MAN1A1: variants seen among roughly 807,000 people sequenced by gnomAD.
MAN1A1 encodes the protein mannosidase alpha class 1A member 1, also known as mannosyl-oligosaccharide 1,2-alpha-mannosidase IA.
MAN1A1 carries 29 observed loss-of-function variants against 70.8 expected under a neutral mutation model. The observed-to-expected ratio is 0.41, with a 90% CI of 0.31 to 0.56. MAN1A1 has a LOEUF of 0.56. Among genes scored for constraint, MAN1A1 ranks in the 20% least tolerant of loss-of-function variants. MAN1A1 has a pLI of 0.29. For missense variants in MAN1A1, 747 were observed against 841.3 expected, an observed-to-expected ratio of 0.89 and a Z score of 1.39; for synonymous variants, 349 against 330.1, an observed-to-expected ratio of 1.06 and a Z score of -0.62.
intron 2 of MAN1A1, among the ~76,000 whole-genome samples, chr6:119,307,317 C>T (rs1772559150): frequency 6.6e-6 from 1 of 152,060 alleles, no homozygotes; most frequent in Admixed American, 6.5e-5. Context: ...ACCATGTCTA[C>T]ATTTATCTAG....
At position 119,226,059 on chromosome 6, in the gene MAN1A1, C is replaced by T. The variant is rs535734213; in HGVS notation, c.993-21177G>A. Among the ~76,000 whole-genome samples, 33 of 152,288 alleles carry T rather than the reference C, an allele frequency of 2.2e-4. No individual in the cohort carries two copies. The South Asian group carries it at 6.6e-3, about 31-fold the overall frequency. On this transcript the variant is annotated intron_variant, in intron 6 of 12. Transcript: ENST00000368468. ...CAAAAGGTAAGATGGTTAAAAAGAT[C>T]TCTACCATTTTAAAGTTCCTATAAT...
At chr6:119,314,860 C>A (rs1212568510) in intron 2 of MAN1A1, among the ~76,000 whole-genome samples, 1 of 152,156 alleles carries the variant, frequency 6.6e-6, no homozygotes, top group Non-Finnish European at 1.5e-5. Context: ...TCAGCTCCAG[C>A]TCTGTACCTA....
chr6:119,248,235 T>C (rs1775220847), intron 6 of MAN1A1, 25 bp downstream of exon 6: 4 of 1,435,898 alleles, frequency 2.8e-6, no homozygotes, highest in Admixed American at 1.7e-5. Flanking sequence ...CCTTAAAACA[T>C]GTTGTTGAAA....
upstream of MAN1A1, chr6:119,349,856 T>C (rs1314568076): frequency 2.9e-5 from 19 of 659,530 alleles, no homozygotes; most frequent in South Asian, 6.7e-5. Context: ...CCGCCCAGGG[T>C]CCCGCGGGGG....
At chr6:119,337,455 T>C (rs933919327) in intron 2 of MAN1A1, among the ~76,000 whole-genome samples, 3 of 152,092 alleles carry the variant, frequency 2.0e-5, no homozygotes, top group Non-Finnish European at 2.9e-5. Context: ...TACTGGGCCC[T>C]ATTATGGGCA....
chr6:119,180,595 T>C (rs11970393), intron 11 of MAN1A1, among the ~76,000 whole-genome samples, 168 bp from the exon 12 acceptor site: 25,955 of 151,810 alleles, frequency 0.17, 2,681 homozygotes, highest in East Asian at 0.3. Context: ...TCACTGCAGC[T>C]TCTACCTCTT....
intron 6 of MAN1A1, among the ~76,000 whole-genome samples, chr6:119,245,462 G>C (rs1775144967): frequency 6.6e-6 from 1 of 152,148 alleles, no homozygotes; most frequent in Non-Finnish European, 1.5e-5. Flanking sequence ...ATTTTGAAAA[G>C]TAATCTTGTA....
chr6:119,266,563 GACCTTAT>G (rs1355773448), intron 5 of MAN1A1, among the ~76,000 whole-genome samples: 6 of 151,976 alleles, frequency 3.9e-5, no homozygotes, highest in Non-Finnish European at 8.8e-5. Flanking sequence ...TGTAGACACA[GACCTTAT>G]ACCTTTCACA....
chr6:119,258,084 T>C (rs1343316811), intron 5 of MAN1A1, among the ~76,000 whole-genome samples: 1 of 152,170 alleles, frequency 6.6e-6, no homozygotes, highest in Non-Finnish European at 1.5e-5. Context: ...AAAGCACACA[T>C]ACTCTATCTG....
chr6:119,260,616 T>G (rs1775580107), intron 5 of MAN1A1, among the ~76,000 whole-genome samples: 1 of 152,246 alleles, frequency 6.6e-6, no homozygotes, highest in South Asian at 2.1e-4. Context: ...TCCCTGAATT[T>G]TGCTAATTTA....
chr6:119,276,408 T>TA (rs1776066023), intron 5 of MAN1A1, among the ~76,000 whole-genome samples: 1 of 152,192 alleles, frequency 6.6e-6, no homozygotes, highest in Non-Finnish European at 1.5e-5. Flanking sequence ...GCATGGAACA[T>TA]AACAGATGCT....
intron 6 of MAN1A1, among the ~76,000 whole-genome samples, chr6:119,240,637 T>G (rs1774979317): frequency 6.6e-6 from 1 of 152,190 alleles, no homozygotes; most frequent in Non-Finnish European, 1.5e-5. Context: ...TCAGGCATCC[T>G]GAGGTTCAGG....
chr6:119,305,163 G>A (rs1008388370), intron 3 of MAN1A1, among the ~76,000 whole-genome samples: 10 of 151,840 alleles, frequency 6.6e-5, no homozygotes, highest in African/African-American at 1.2e-4. Context: ...GTTTTTTACC[G>A]AAAAAGCCAA....
At chr6:119,212,051 A>G (rs1325156628) in intron 6 of MAN1A1, among the ~76,000 whole-genome samples, 1 of 151,916 alleles carries the variant, frequency 6.6e-6, no homozygotes, top group Non-Finnish European at 1.5e-5. Context: ...CATGTTAGCC[A>G]GGATGGTCTC....
intron 5 of MAN1A1, among the ~76,000 whole-genome samples, chr6:119,276,527 C>G (rs1034076841): frequency 9.2e-5 from 14 of 152,162 alleles, no homozygotes; most frequent in Non-Finnish European, 1.6e-4. Context: ...TCATTCAGGG[C>G]TCAATTCTAA....
chr6:119,241,812 TG>T (rs1775011064), intron 6 of MAN1A1, among the ~76,000 whole-genome samples: 1 of 152,226 alleles, frequency 6.6e-6, no homozygotes, highest in Admixed American at 6.5e-5. Flanking sequence ...TAGAATGTCC[TG>T]GGAGGTTTTT....
At chr6:119,242,572 T>C (rs1353824473) in intron 6 of MAN1A1, among the ~76,000 whole-genome samples, 1 of 152,142 alleles carries the variant, frequency 6.6e-6, no homozygotes, top group African/African-American at 2.4e-5. Flanking sequence ...TACTATTTTA[T>C]CATATACCAT....
At chr6:119,350,180 G>A (rs1270046166), upstream of MAN1A1, among the ~76,000 whole-genome samples, 2 of 152,308 alleles carry the variant, frequency 1.3e-5, no homozygotes, top group East Asian at 3.9e-4. Context: ...GTGCGGGGCG[G>A]TCGGGGGCGC....
intron 6 of MAN1A1, among the ~76,000 whole-genome samples, chr6:119,223,000 A>T (rs185040377): frequency 1.6e-4 from 24 of 152,282 alleles, no homozygotes; most frequent in Middle Eastern, 3.4e-3. Flanking sequence ...TGAACCTTTT[A>T]AGTGGATGAA....
Sources: gnomAD v4.1 joint callset for allele counts (sites outside exome capture counted in the v4.1 genomes callset) on GRCh38, gnomAD v4.1.1 for gene constraint, MANE v1.5 for transcripts, NCBI Gene and HGNC (gene_info 2026-07-23, HGNC 2026-07-21) for gene names.